OTOA: variants seen among roughly 807,000 people sequenced by gnomAD.
The protein encoded by OTOA is cancer/testis antigen 108.
OTOA carries 70 observed loss-of-function variants against 110.8 expected under a neutral mutation model. That is an observed-to-expected ratio of 0.63 (90% CI 0.52 to 0.77). OTOA has a LOEUF of 0.77. Ranked by LOEUF, OTOA falls within the 30% of genes least tolerant of loss-of-function variation. The pLI is 0.00. For missense variants in OTOA, 917 were observed against 1,075.8 expected (o/e 0.85, Z 2.06); for synonymous variants, 373 against 431.5 (o/e 0.86, Z 1.68).
intron 13 of OTOA, among the ~76,000 whole-genome samples, chr16:21,714,332 C>CCTTCCTTCCTTCCTTCCTTCCTTCCTTT (rs1555499743): frequency 1.6e-5 from 2 of 127,742 alleles, no homozygotes; most frequent in African/African-American, 5.6e-5. Context: ...TTCCTTCCTT[C>CCTTCCTTCCTTCCTTCCTTCCTTCCTTT]CTTTCTTTCT....
intron 1 of OTOA, among the ~76,000 whole-genome samples, chr16:21,666,359 T>C (rs1431711674): frequency 6.6e-6 from 1 of 151,738 alleles, no homozygotes; most frequent in Non-Finnish European, 1.5e-5. Flanking sequence ...AAACTCCATG[T>C]AATTGTGAAT....
Position 21,728,227 on chromosome 16 carries a change from CT to C in OTOA, c.2017-9del, listed in dbSNP as rs1419091586. ...CTGTTGGAACTGCCCATTGGCTCCA[CT>C]TTTTGGGTTCAGGACGACTCCATTG... On this transcript the variant is annotated splice_polypyrimidine_tract_variant and intron_variant, in intron 19 of 28. Transcript: ENST00000646100. 6 of 1,614,118 alleles carry C rather than the reference CT, an allele frequency of 3.7e-6. No individual in the cohort carries two copies. Among genetic ancestry groups the C allele is most frequent in the Non-Finnish European group, 5.1e-6 (6 of 1,179,986 alleles).
At chr16:21,668,000 C>T (rs1307258665) in intron 1 of OTOA, among the ~76,000 whole-genome samples, 1 of 152,114 alleles carries the variant, frequency 6.6e-6, no homozygotes, top group Middle Eastern at 3.2e-3. Flanking sequence ...ATAAGGACTC[C>T]TTTAAAAATA....
chr16:21,710,124 C>A (rs1259527048), intron 13 of OTOA, 21 bp downstream of exon 13: 25 of 1,582,898 alleles, frequency 1.6e-5, no homozygotes, highest in Non-Finnish European at 2.2e-5. Context: ...GTTTTAAACT[C>A]TTTTTTATTC....
chr16:21,735,618 G>A (rs1274515399), intron 21 of OTOA, among the ~76,000 whole-genome samples: 1 of 152,022 alleles, frequency 6.6e-6, no homozygotes, highest in Non-Finnish European at 1.5e-5. Flanking sequence ...TCTGAGACAG[G>A]GTTGTACTCC....
intron 9 of OTOA, among the ~76,000 whole-genome samples, chr16:21,697,167 G>T (rs181374683): frequency 6.6e-6 from 1 of 150,804 alleles, no homozygotes; most frequent in African/African-American, 2.4e-5. Context: ...CAGGTGCCTG[G>T]CCAGAAAGAA....
Position 21,719,388 on chromosome 16 carries a change from G to A in OTOA, c.1690G>A (p.Ala564Thr). The A allele has an allele frequency of 1.2e-6, 2 of 1,613,832 alleles. No homozygotes were observed. Among genetic ancestry groups the A allele is most frequent in the Non-Finnish European group, 1.7e-6 (2 of 1,179,862 alleles). ...CGAGTGCCTTGTTTTGTTTTCTAGT[G>A]CTGGGCAGCTGGTCAAAGGCGTGAC... ...TTRRPEELLSAGQLVKGVTCS... is the reference protein window; with the variant it reads ...TTRRPEELLSTGQLVKGVTCS... Residue 564 changes from alanine to threonine, a missense_variant and splice_region_variant, in exon 17 of 29, where the codon GCT becomes ACT. Coordinates refer to ENST00000646100, the MANE Select transcript of OTOA (RefSeq NM_144672.4).
rs369131469 is a variant in OTOA at position 21,716,161 on chromosome 16, A to G, written c.1489-746A>G. On this transcript the variant is annotated intron_variant, in intron 14 of 28. Coordinates refer to ENST00000646100, the MANE Select transcript of OTOA (RefSeq NM_144672.4). ...AGTGATCTACCTGCCCCGGCCTCCT[A>G]CAGTGCTGGGATTACAGGTGTGAGC... 1.5e-4 allele frequency among the ~76,000 whole-genome samples: 22 copies of G among 150,234 alleles called. 1 individual carries two copies. The South Asian group carries it at 4.4e-3, about 30-fold the overall frequency.
At chr16:21,685,185 C>T in intron 6 of OTOA, 45 bp from the exon 7 acceptor site, 3 of 1,606,200 alleles carry the variant, frequency 1.9e-6, no homozygotes, top group Admixed American at 1.7e-5. Context: ...CCATGTGCTC[C>T]TGCTCTTTCT....
At chr16:21,679,241 A>C (rs1966871016) in intron 5 of OTOA, 30 bp downstream of exon 5, 1 of 1,605,288 alleles carries the variant, frequency 6.2e-7, no homozygotes, top group Non-Finnish European at 8.5e-7. Flanking sequence ...AGGGGAAGGG[A>C]TGGTATAGAT....
intron 1 of OTOA, among the ~76,000 whole-genome samples, chr16:21,665,915 C>T (rs1364643081): frequency 4.0e-5 from 6 of 151,870 alleles, no homozygotes; most frequent in Admixed American, 2.0e-4. Context: ...ACTGTGGCCT[C>T]GACCTCCCAG....
At chr16:21,714,950 A>G (rs1302536698) in intron 13 of OTOA, 35 bp from the exon 14 acceptor site, 26 of 1,613,216 alleles carry the variant, frequency 1.6e-5, no homozygotes, top group Non-Finnish European at 2.1e-5. Flanking sequence ...GAAAGGCGGG[A>G]GCAGAGCCTG....
chr16:21,710,655 C>T (rs1326697151), intron 13 of OTOA, among the ~76,000 whole-genome samples: 4 of 152,130 alleles, frequency 2.6e-5, no homozygotes, highest in Non-Finnish European at 5.9e-5. Flanking sequence ...TGACACTAGG[C>T]AATTTGCTAT....
intron 19 of OTOA, 46 bp downstream of exon 19, chr16:21,726,704 G>A (rs1374659942): frequency 6.2e-7 from 1 of 1,612,066 alleles, no homozygotes; most frequent in Non-Finnish European, 8.5e-7. Context: ...GGTATCTGTG[G>A]CCATCTTGGG....
rs569493650 is a variant in OTOA at position 21,695,891 on chromosome 16, A to ATATATATTTTTTT, written c.740-1883_740-1882insATATATTTTTTTT. Among the ~76,000 whole-genome samples the ATATATATTTTTTT allele has an allele frequency of 7.6e-4, 32 of 41,892 alleles. 1 individual carries two copies. Among genetic ancestry groups the ATATATATTTTTTT allele is most frequent in the African/African-American group, 4.7e-3 (32 of 6,834 alleles). The allele number at this position is 41,892 out of a possible 152,430, so 27.5% of individuals were successfully genotyped here. ...GATATATATATATATATATATATAT[A>ATATATATTTTTTT]TTTTTTTTTTTTTTTTTTTCTGAGA... On this transcript the variant is annotated intron_variant, in intron 9 of 28. Coordinates refer to ENST00000646100, the MANE Select transcript of OTOA (RefSeq NM_144672.4).
Position 21,705,262 on chromosome 16 carries a change from C to T in OTOA, c.1074C>T (p.His358=), listed in dbSNP as rs1447690113. Residue 358 remains histidine (H), a synonymous_variant, in exon 12 of 29, where the codon CAC becomes CAT. Coordinates refer to ENST00000646100, the MANE Select transcript of OTOA (RefSeq NM_144672.4). ...VLLYQMIKCS[H]LRGFQAGVQK... is the part of the protein sequence containing the mutation. ...TTTACCAGATGATCAAGTGCAGCCA[C>T]CTGAGGGGCTTCCAGGCTGGCGTCC... 2 of 1,614,110 alleles carry T rather than the reference C, an allele frequency of 1.2e-6. No homozygotes were observed. Among genetic ancestry groups the T allele is most frequent in the East Asian group, 4.5e-5 (2 of 44,882 alleles).
chr16:21,720,409 C>T (rs1050616241), intron 17 of OTOA, among the ~76,000 whole-genome samples: 8 of 152,172 alleles, frequency 5.3e-5, no homozygotes, highest in Non-Finnish European at 1.0e-4. Flanking sequence ...TGAAGAATTT[C>T]CAAAGAGTAA....
chr16:21,711,798 T>C (rs996656195), intron 13 of OTOA, among the ~76,000 whole-genome samples: 1 of 152,244 alleles, frequency 6.6e-6, no homozygotes, highest in Non-Finnish European at 1.5e-5. Flanking sequence ...TCCACACTCC[T>C]GGCCACTTCC....
rs747516934 is a variant in OTOA at position 21,685,205 on chromosome 16, G to T, written c.268-25G>T. The T allele has an allele frequency of 4.3e-6, 7 of 1,609,270 alleles. No individual in the cohort carries two copies. The South Asian group carries it at 5.5e-5, about 13-fold the overall frequency. ...TGCTCCTGCTCTTTCTGTTCTCACC[G>T]ACTCTCCCAACACCCCAAATACAGG... On this transcript the variant is annotated intron_variant, in intron 6 of 28. Transcript: ENST00000646100.
Sources: gnomAD v4.1 joint callset for allele counts (sites outside exome capture counted in the v4.1 genomes callset) on GRCh38, gnomAD v4.1.1 for gene constraint, MANE v1.5 for transcripts, NCBI Gene and HGNC (gene_info 2026-07-23, HGNC 2026-07-21) for gene names.